PRKAG2: variants seen among roughly 807,000 people sequenced by gnomAD.
PRKAG2 encodes the protein protein kinase AMP-activated non-catalytic subunit gamma 2, also known as 5'-AMP-activated protein kinase subunit gamma-2.
Under a neutral mutation model 69.6 loss-of-function variants are expected in PRKAG2, and 26 were observed. The ratio of observed to expected loss-of-function variants is 0.37; its 90% CI spans 0.27 to 0.52. The LOEUF is 0.52. PRKAG2 is among the 20% of genes least tolerant of loss of function. The pLI is 0.90. For synonymous variants in PRKAG2, 293 were observed against 285.0 expected (o/e 1.03, Z -0.28); for missense variants, 557 against 740.0 (o/e 0.75, Z 2.87).
chr7:151,708,716 C>A (rs1448157864), intron 3 of PRKAG2, among the ~76,000 whole-genome samples: 1 of 152,210 alleles, frequency 6.6e-6, no homozygotes, highest in Non-Finnish European at 1.5e-5. Flanking sequence ...AAATGTCCAG[C>A]AATTCACAGG....
At chr7:151,744,165 C>T (rs1205860793) in intron 3 of PRKAG2, among the ~76,000 whole-genome samples, 1 of 152,128 alleles carries the variant, frequency 6.6e-6, no homozygotes, top group African/African-American at 2.4e-5. Context: ...TGATATGTAA[C>T]CCCCACCCCC....
chr7:151,585,434 G>A (rs1811423722), intron 6 of PRKAG2, among the ~76,000 whole-genome samples: 1 of 127,044 alleles, frequency 7.9e-6, no homozygotes, highest in African/African-American at 2.9e-5. Flanking sequence ...GACAGAAATT[G>A]TTAATATGTG....
chr7:151,795,095 G>A (rs2077432830), intron 1 of PRKAG2, among the ~76,000 whole-genome samples: 1 of 152,226 alleles, frequency 6.6e-6, no homozygotes, highest in African/African-American at 2.4e-5. Context: ...CCCAGGCCAG[G>A]TTGAGTCCAG....
chr7:151,863,330 G>A (rs569714977), intron 1 of PRKAG2, among the ~76,000 whole-genome samples: 4 of 152,118 alleles, frequency 2.6e-5, no homozygotes, highest in South Asian at 2.1e-4. Flanking sequence ...CTCACCCGAC[G>A]GGATCCGCCT....
intron 5 of PRKAG2, among the ~76,000 whole-genome samples, chr7:151,610,506 G>A (rs934232281): frequency 9.9e-5 from 15 of 151,958 alleles, no homozygotes; most frequent in Admixed American, 9.2e-4. Flanking sequence ...GTGAAACCCT[G>A]TGTCAACTGA....
intron 1 of PRKAG2, among the ~76,000 whole-genome samples, chr7:151,831,153 G>T (rs1279535022): frequency 1.3e-5 from 2 of 152,180 alleles, no homozygotes; most frequent in East Asian, 3.8e-4. Flanking sequence ...GTAAAAGGGT[G>T]CTGCCAGCTT....
chr7:151,619,250 A>C (rs1417499757), intron 5 of PRKAG2, among the ~76,000 whole-genome samples: 1 of 152,226 alleles, frequency 6.6e-6, no homozygotes, highest in African/African-American at 2.4e-5. Context: ...CCAGTGATGA[A>C]GCTGGAGAAC....
chr7:151,848,262 G>C (rs879284620), intron 1 of PRKAG2, among the ~76,000 whole-genome samples: 3 of 152,102 alleles, frequency 2.0e-5, no homozygotes, highest in African/African-American at 4.8e-5. Context: ...TCAGAAATGG[G>C]TTACTACTCT....
At chr7:151,798,631 C>T (rs563755828) in intron 1 of PRKAG2, among the ~76,000 whole-genome samples, 1 of 152,244 alleles carries the variant, frequency 6.6e-6, no homozygotes, top group South Asian at 2.1e-4. Context: ...AAATGTACTT[C>T]CTATTGTGTT....
At position 151,786,526 on chromosome 7, in the gene PRKAG2, C is replaced by A. The variant is rs144857453; in HGVS notation, c.130G>T (p.Ala44Ser). ...RVHIPDLSSF[A>S]MPLLDGDLEG... is the part of the protein sequence containing the mutation. ...AGGTCTCCGTCCAGGAGCGGCATGG[C>A]GAAGGAGCTCAGGTCCTAGGGTGGA... is the stretch of plus-strand genomic sequence containing the variant. Residue 44 changes from alanine (A) to serine (S), a missense_variant, in exon 2 of 16, where the codon GCC (alanine) becomes TCC (serine). Around this residue, in one of 2 missense-constraint regions of PRKAG2, gnomAD observed 352 missense variants for 356.7 expected, o/e 0.99. Transcript: ENST00000287878. 1.9e-6 allele frequency: 3 copies of A among 1,612,702 alleles called. No homozygotes were observed. The highest frequency in any genetic ancestry group is 2.2e-5 in the South Asian group (2 of 90,472).
intron 6 of PRKAG2, 94 bp downstream of exon 6, chr7:151,595,251 A>G: frequency 1.1e-6 from 1 of 878,000 alleles, no homozygotes; most frequent in Non-Finnish European, 1.9e-6. Flanking sequence ...AGGACTCAAT[A>G]AACGTTTGCT....
At chr7:151,655,897 AG>A (rs1337788704) in intron 4 of PRKAG2, among the ~76,000 whole-genome samples, 1 of 152,238 alleles carries the variant, frequency 6.6e-6, no homozygotes, top group Non-Finnish European at 1.5e-5. Context: ...ACTTTGAGTC[AG>A]GCCATCTCAA....
chr7:151,763,291 A>C (rs1454413748), intron 3 of PRKAG2, among the ~76,000 whole-genome samples: 1 of 151,782 alleles, frequency 6.6e-6, no homozygotes, highest in Non-Finnish European at 1.5e-5. Context: ...CTCCCTCCTC[A>C]CCTCTGTGTC....
At chr7:151,855,512 C>T (rs1357039983) in intron 1 of PRKAG2, among the ~76,000 whole-genome samples, 1 of 100,404 alleles carries the variant, frequency 1.0e-5, no homozygotes, top group African/African-American at 4.0e-5. Flanking sequence ...CCACACACAC[C>T]GCCCTCCACA....
At chr7:151,804,056 G>T (rs1453761690) in intron 1 of PRKAG2, among the ~76,000 whole-genome samples, 1 of 152,066 alleles carries the variant, frequency 6.6e-6, no homozygotes, top group African/African-American at 2.4e-5. Flanking sequence ...ACCACTTTTA[G>T]TTGCGTAGAC....
At position 151,756,717 on chromosome 7, in the gene PRKAG2, G is replaced by C. The variant is rs948730272; in HGVS notation, c.466+24435C>G. ...CCGCCCTCTTCCCTTCTCCCACCTG[G>C]GGTGGGAAAGGATTTTCCTTACTCA... On this transcript the variant is annotated intron_variant, in intron 3 of 15. Transcript: ENST00000287878. This position sits in a 1 kb window ranked among gnomAD's most constrained non-coding sequence, Gnocchi z 4.9. Among the ~76,000 whole-genome samples the C allele has an allele frequency of 3.9e-5, 6 of 152,112 alleles. No homozygotes were observed. The South Asian group carries it at 1.2e-3, about 32-fold the overall frequency.
intron 6 of PRKAG2, among the ~76,000 whole-genome samples, chr7:151,581,126 G>A (rs1486226589): frequency 6.6e-6 from 1 of 152,132 alleles, no homozygotes; most frequent in Non-Finnish European, 1.5e-5. Context: ...AAAGCTAGCA[G>A]AGGAGAAAAA....
intron 5 of PRKAG2, among the ~76,000 whole-genome samples, chr7:151,599,889 A>G (rs1815623978): frequency 6.6e-6 from 1 of 152,108 alleles, no homozygotes; most frequent in African/African-American, 2.4e-5. Context: ...CTTGTATTAA[A>G]CACTCCTGCT....
chr7:151,838,034 G>C (rs979198392), intron 1 of PRKAG2, among the ~76,000 whole-genome samples: 1 of 152,112 alleles, frequency 6.6e-6, no homozygotes, highest in Non-Finnish European at 1.5e-5. Context: ...ACAGGACCCC[G>C]GAGGAGGCCA....
Sources: gnomAD v4.1 joint callset for allele counts (sites outside exome capture counted in the v4.1 genomes callset) on GRCh38, gnomAD v4.1.1 for gene constraint, gnomAD v4.1.1 regional missense constraint, Gnocchi (gnomAD v3.1) non-coding constraint, MANE v1.5 for transcripts, NCBI Gene and HGNC (gene_info 2026-07-23, HGNC 2026-07-21) for gene names.